The following ACADL variants were observed in gnomAD, a reference collection of about 807,000 sequenced individuals.
The protein encoded by ACADL is acyl-CoA dehydrogenase long chain.
Under a neutral mutation model 56.9 loss-of-function variants are expected in ACADL, and 60 were observed. The observed-to-expected ratio is 1.05, with a 90% CI of 0.86 to 1.31. The LOEUF (loss-of-function observed/expected upper bound fraction) is 1.31, where lower values mean the gene tolerates loss of function less well. ACADL is among the 50% of genes most tolerant of loss of function. ACADL has a pLI of 0.00. For missense variants in ACADL, 484 were observed against 525.5 expected (o/e 0.92, Z 0.77); for synonymous variants, 158 against 179.7 (o/e 0.88, Z 0.97).
At chr2:210,191,137 T>C (rs1688627280) in intron 10 of ACADL, among the ~76,000 whole-genome samples, 1 of 152,124 alleles carries the variant, frequency 6.6e-6, no homozygotes, top group Non-Finnish European at 1.5e-5. Flanking sequence ...GGTCTTGAAC[T>C]CTTGACCTCA....
intron 1 of ACADL, among the ~76,000 whole-genome samples, chr2:210,222,382 C>A (rs575672632): frequency 6.6e-6 from 1 of 151,718 alleles, no homozygotes; most frequent in South Asian, 2.1e-4. Context: ...GTAGGCGGGG[C>A]TTGGTGGCTC....
chr2:210,192,700 A>G, intron 10 of ACADL, 104 bp downstream of exon 10: 1 of 905,366 alleles, frequency 1.1e-6, no homozygotes, highest in East Asian at 2.6e-5. Context: ...GAAAAATTCA[A>G]AAGATTGCAC....
At position 210,216,447 on chromosome 2, in the gene ACADL, T is replaced by C; in HGVS notation, c.436A>G (p.Thr146Ala). 2 of 1,613,866 alleles carry C rather than the reference T, an allele frequency of 1.2e-6. No individual in the cohort carries two copies. Among genetic ancestry groups the C allele is most frequent in the Middle Eastern group, 3.3e-4 (2 of 6,060 alleles). The part of the protein sequence containing the change: ...IHSGIVMSYI[T>A]NHGSEEQIKH... ...ATCTGTTCTTCTGAGCCATGGTTTG[T>C]AATATAGGACATGACAATACCTGAA... Residue 146 changes from threonine to alanine, a missense_variant, in exon 4 of 11, where the codon ACA becomes GCA. By Grantham distance (58) the Thr-to-Ala change is moderately conservative. Transcript: ENST00000233710.
At position 210,225,232 on chromosome 2, in the gene ACADL, CG is replaced by C; in HGVS notation, c.31del (p.Arg11AlafsTer26). The stretch of plus-strand genomic sequence containing the variant: ...CGGCGCACGGTGGCCGCCCAGGACG[CG>C]TAGGGACCCTCGGAGAAGGCGTGCG... MAARLLRGSL[R>X]VLGGHRAPRQ... is the part of the protein sequence containing the mutation. On this transcript the variant is annotated frameshift_variant, in exon 1 of 11. Transcript: ENST00000233710. LOFTEE classifies it high-confidence loss of function. The C allele has an allele frequency of 3.2e-6, 5 of 1,554,996 alleles. No individual in the cohort carries two copies. In the South Asian group the frequency reaches 5.9e-5, roughly 18 times the overall value.
intron 8 of ACADL, among the ~76,000 whole-genome samples, chr2:210,197,376 A>G (rs1226832906): frequency 6.6e-6 from 1 of 151,810 alleles, no homozygotes; most frequent in African/African-American, 2.4e-5. Context: ...AATTTTTTCT[A>G]TCTCCATTTC....
intron 1 of ACADL, among the ~76,000 whole-genome samples, chr2:210,221,691 T>TA (rs1689177529): frequency 6.6e-6 from 1 of 151,908 alleles, no homozygotes; most frequent in Non-Finnish European, 1.5e-5. Context: ...AAAGGGTTTT[T>TA]AAAAAAATAA....
At chr2:210,206,463 A>G (rs556471710) in intron 5 of ACADL, among the ~76,000 whole-genome samples, 8 of 152,200 alleles carry the variant, frequency 5.3e-5, no homozygotes, top group African/African-American at 1.9e-4. Context: ...AAAGAAAAAT[A>G]AAAAGAAAGA....
chr2:210,189,839 A>G (rs764792906), intron 10 of ACADL, among the ~76,000 whole-genome samples: 2 of 152,198 alleles, frequency 1.3e-5, no homozygotes, highest in Non-Finnish European at 2.9e-5. Context: ...AGAAGTTAAT[A>G]TATTTCCTAA....
intron 5 of ACADL, among the ~76,000 whole-genome samples, chr2:210,206,439 A>C (rs1483671237): frequency 6.6e-6 from 1 of 152,126 alleles, no homozygotes; most frequent in Non-Finnish European, 1.5e-5. Flanking sequence ...TCTAGAAAAA[A>C]AGAAAAGAAA....
intron 6 of ACADL, 90 bp from the exon 7 acceptor site, chr2:210,204,772 A>T (rs1373945459): frequency 8.9e-7 from 1 of 1,127,336 alleles, no homozygotes; most frequent in African/African-American, 1.5e-5. Flanking sequence ...ATTTTTTCCA[A>T]AAAAACAAAA....
rs1003555845 is a variant in ACADL, at chr2:210,225,285, G to A, written c.-22C>T. The A allele has an allele frequency of 6.5e-7, 1 of 1,545,842 alleles. No individual in the cohort carries two copies. Among genetic ancestry groups the A allele is most frequent in the Admixed American group, 1.9e-5 (1 of 52,366 alleles). On this transcript the variant is annotated 5_prime_UTR_variant, in exon 1 of 11. Coordinates refer to ENST00000233710, the MANE Select transcript of ACADL (RefSeq NM_001608.4). ...CCATGTCCGAAACACAGGGGCGGCGGGGCGACGGAGGCGACTCTGCGGCTA... is the reference window on the plus strand; with the variant it reads ...CCATGTCCGAAACACAGGGGCGGCGAGGCGACGGAGGCGACTCTGCGGCTA...
At chr2:210,205,872 A>G in intron 5 of ACADL, 76 bp from the exon 6 acceptor site, 2 of 1,574,360 alleles carry the variant, frequency 1.3e-6, no homozygotes, top group Non-Finnish European at 1.7e-6. Context: ...GGGAGAAAGT[A>G]TATTACAGAA....
chr2:210,191,219 G>A (rs1281577230), intron 10 of ACADL, among the ~76,000 whole-genome samples: 1 of 152,070 alleles, frequency 6.6e-6, no homozygotes, highest in African/African-American at 2.4e-5. Context: ...GGCCTCAGTG[G>A]CTTTTTTGAT....
At chr2:210,193,165 T>G (rs944121922) in intron 9 of ACADL, among the ~76,000 whole-genome samples, 5 of 152,154 alleles carry the variant, frequency 3.3e-5, no homozygotes, top group Non-Finnish European at 7.3e-5. Flanking sequence ...ATGATTAGAT[T>G]TTGGCTATTT....
intron 8 of ACADL, among the ~76,000 whole-genome samples, chr2:210,201,332 C>T (rs1688790140): frequency 6.6e-6 from 1 of 152,056 alleles, no homozygotes; most frequent in African/African-American, 2.4e-5. Context: ...TGACAAGAAC[C>T]CAGTTTTTTC....
At position 210,203,329 on chromosome 2, in the gene ACADL, A is replaced by C. The variant is rs769217384; in HGVS notation, c.984+2T>G. 1.9e-6 allele frequency: 3 copies of C among 1,602,996 alleles called. No individual in the cohort carries two copies. Among genetic ancestry groups the C allele is most frequent in the Non-Finnish European group, 2.6e-6 (3 of 1,170,426 alleles). On this transcript the variant is annotated splice_donor_variant, in intron 8 of 10. Transcript: ENST00000233710. LOFTEE classifies it high-confidence loss of function. ...AATACTAAACCACAGTGACAAGCTT[A>C]CCTGTAGGTGAGCAACTGTTTTGCC... is the stretch of plus-strand genomic sequence containing the variant.
chr2:210,188,230 C>G lies in ACADL; in HGVS notation c.*731G>C, dbSNP rs1351711331. 1 of 152,116 alleles carries G rather than the reference C, an allele frequency of 6.6e-6. No individual in the cohort carries two copies. The highest frequency in any genetic ancestry group is 1.5e-5 in the Non-Finnish European group (1 of 68,024). The allele number at this position is 152,116 out of a possible 1,614,324, so 9.4% of individuals were successfully genotyped here. On this transcript the variant is annotated 3_prime_UTR_variant, in exon 11 of 11. Coordinates refer to ENST00000233710, the MANE Select transcript of ACADL (RefSeq NM_001608.4). ...CAAAAGAAAAGCCATTGCTTTGATACCTATAAAATGTACCAATATCTTGAA... is the reference window on the plus strand; with the variant it reads ...CAAAAGAAAAGCCATTGCTTTGATAGCTATAAAATGTACCAATATCTTGAA...
chr2:210,224,699 G>A, intron 1 of ACADL: 1 of 986,788 alleles, frequency 1.0e-6, no homozygotes, highest in Non-Finnish European at 1.2e-6. Flanking sequence ...CCGCGCCGCA[G>A]CCCGGGCACT....
At chr2:210,225,067 TTG>T (rs1689247016) in intron 1 of ACADL, 118 bp downstream of exon 1, 24 of 1,503,632 alleles carry the variant, frequency 1.6e-5, no homozygotes, top group Non-Finnish European at 2.1e-5. Context: ...GGCGCCGGAG[TTG>T]GGGAGCACTC....
Sources: gnomAD v4.1 joint callset for allele counts (sites outside exome capture counted in the v4.1 genomes callset) on GRCh38, gnomAD v4.1.1 for gene constraint, MANE v1.5 for transcripts, NCBI Gene and HGNC (gene_info 2026-07-23, HGNC 2026-07-21) for gene names.